Variants in KIRREL3 observed in about 807,000 individuals in gnomAD.
The protein encoded by KIRREL3 is kin of IRRE-like protein 3.
Under a neutral mutation model 89.7 loss-of-function variants are expected in KIRREL3, and 36 were observed. The observed-to-expected ratio is 0.40, with a 90% confidence interval of 0.31 to 0.53. The LOEUF (loss-of-function observed/expected upper bound fraction) is 0.53. Among genes scored for constraint, KIRREL3 ranks in the 20% least tolerant of loss-of-function variants. The pLI is 0.49. For synonymous variants in KIRREL3, 445 were observed against 441.4 expected (o/e 1.01, Z -0.10); for missense variants, 864 against 1,056.6 (o/e 0.82, Z 2.53).
At chr11:126,499,059 T>C (rs1957766545) in intron 4 of KIRREL3, among the ~76,000 whole-genome samples, 1 of 147,000 alleles carries the variant, frequency 6.8e-6, no homozygotes, top group South Asian at 2.1e-4. Context: ...GGCAGAGGCA[T>C]GAGAATCACC....
chr11:126,514,186 A>G (rs2134406759), intron 4 of KIRREL3, among the ~76,000 whole-genome samples: 1 of 152,262 alleles, frequency 6.6e-6, no homozygotes. Flanking sequence ...GTGGAACCTC[A>G]GGAGATAAGG....
chr11:126,432,254 T>G lies in KIRREL3; in HGVS notation c.1589-728A>C, dbSNP rs1955162356. On this transcript the variant is annotated intron_variant, in intron 13 of 16. Coordinates refer to ENST00000525144, the MANE Select transcript of KIRREL3 (RefSeq NM_032531.4). This position sits in a 1 kb window ranked among gnomAD's most constrained non-coding sequence, Gnocchi z 6.2. ...CTCCTGGCAAGAGAGGCCCACACAC[T>G]GGGCAGGCAAGCCCTCACCCCTGCT... Among the ~76,000 whole-genome samples the G allele has an allele frequency of 6.6e-6, 1 of 152,088 alleles. No homozygotes were observed. Among genetic ancestry groups the G allele is most frequent in the African/African-American group, 2.4e-5 (1 of 41,424 alleles).
At chr11:126,982,149 GT>G (rs1350963853) in intron 1 of KIRREL3, among the ~76,000 whole-genome samples, 1 of 152,142 alleles carries the variant, frequency 6.6e-6, no homozygotes, top group East Asian at 1.9e-4. Flanking sequence ...CTGGACACAG[GT>G]TCCTCAAGGG....
intron 1 of KIRREL3, among the ~76,000 whole-genome samples, chr11:126,728,541 C>T (rs1358688107): frequency 1.3e-5 from 2 of 152,150 alleles, no homozygotes; most frequent in Non-Finnish European, 2.9e-5. Flanking sequence ...TGTCTGATCA[C>T]CTGAGTGAGA....
intron 1 of KIRREL3, among the ~76,000 whole-genome samples, chr11:126,634,797 T>C (rs1468674221): frequency 1.3e-5 from 2 of 152,138 alleles, no homozygotes; most frequent in African/African-American, 4.8e-5. Context: ...CCTGCAAATA[T>C]CCATCCTCGG....
rs1480661628 is a variant in KIRREL3, at chr11:126,454,769, TG to T, written c.848+1579del. Among the ~76,000 whole-genome samples the T allele has an allele frequency of 6.6e-6, 1 of 152,160 alleles. No homozygotes were observed. The highest frequency in any genetic ancestry group is 6.5e-5 in the Admixed American group (1 of 15,292). On this transcript the variant is annotated intron_variant, in intron 7 of 16. Transcript: ENST00000525144. This position sits in a 1 kb window ranked among gnomAD's most constrained non-coding sequence, Gnocchi z 5.8. ...GGACCTGGCTGGACCCACATGATTCTGGGGAGCCTGGAGTCCCCGGCTCAGA... is the reference window on the plus strand; with the variant it reads ...GGACCTGGCTGGACCCACATGATTCTGGGAGCCTGGAGTCCCCGGCTCAGA...
Position 126,474,683 on chromosome 11 carries a change from G to T in KIRREL3, c.434-1217C>A, listed in dbSNP as rs1158800894. On this transcript the variant is annotated intron_variant, in intron 4 of 16. Transcript: ENST00000525144. The surrounding 1 kb of genome is among the most constrained non-coding windows in gnomAD (Gnocchi z 6.7). Reference sequence around the variant, plus strand: ...AAGGGATCCTGAGTGCCAGGAAGAGGGCCATCCGCGTCGGAGCACGGTCTC... The same window carrying T: ...AAGGGATCCTGAGTGCCAGGAAGAGTGCCATCCGCGTCGGAGCACGGTCTC... 6.6e-6 allele frequency among the ~76,000 whole-genome samples: 1 copy of T among 152,192 alleles called. No individual in the cohort carries two copies. The highest frequency in any genetic ancestry group is 1.5e-5 in the Non-Finnish European group (1 of 68,040).
intron 1 of KIRREL3, among the ~76,000 whole-genome samples, chr11:126,907,373 C>G (rs1946629570): frequency 6.6e-6 from 1 of 152,100 alleles, no homozygotes. Flanking sequence ...CATAGTTTCC[C>G]CAGCACTTTG....
At chr11:126,952,152 G>A (rs757731116) in intron 1 of KIRREL3, among the ~76,000 whole-genome samples, 2 of 152,196 alleles carry the variant, frequency 1.3e-5, no homozygotes, top group East Asian at 1.9e-4. Context: ...TTGGGAGGCC[G>A]AGGCCGGTGG....
At chr11:126,959,546 T>C (rs945333134) in intron 1 of KIRREL3, among the ~76,000 whole-genome samples, 8 of 152,238 alleles carry the variant, frequency 5.3e-5, no homozygotes, top group African/African-American at 9.6e-5. Flanking sequence ...ACCACACTTA[T>C]GTTGGAAAAT....
intron 7 of KIRREL3, among the ~76,000 whole-genome samples, chr11:126,451,589 T>C (rs1591559551): frequency 6.6e-6 from 1 of 151,276 alleles, no homozygotes; most frequent in African/African-American, 2.4e-5. Context: ...TGTGCGTGTG[T>C]GTACATGTGT....
chr11:126,554,877 C>G (rs117841900), intron 2 of KIRREL3, among the ~76,000 whole-genome samples: 1 of 152,080 alleles, frequency 6.6e-6, no homozygotes, highest in East Asian at 1.9e-4. Flanking sequence ...AGCGGCTGAG[C>G]GTCAGGGATA....
At chr11:126,804,466 T>C (rs924764668) in intron 1 of KIRREL3, among the ~76,000 whole-genome samples, 1 of 152,160 alleles carries the variant, frequency 6.6e-6, no homozygotes, top group African/African-American at 2.4e-5. Context: ...AATCTCCTCT[T>C]GTTTGTGGAA....
Position 126,564,685 on chromosome 11 carries a change from G to T in KIRREL3, c.56-1773C>A, listed in dbSNP as rs1316468519. Among the ~76,000 whole-genome samples the T allele has an allele frequency of 6.6e-6, 1 of 152,142 alleles. No individual in the cohort carries two copies. Among genetic ancestry groups the T allele is most frequent in the African/African-American group, 2.4e-5 (1 of 41,426 alleles). On this transcript the variant is annotated intron_variant, in intron 1 of 16. Transcript: ENST00000525144. This position sits in a 1 kb window ranked among gnomAD's most constrained non-coding sequence, Gnocchi z 7.4. ...TTTCTTCAGGGGCTCCTGCTCTGTC[G>T]CAGGCCTCATGGATCAAAGCCCCTT... is the stretch of plus-strand genomic sequence containing the variant.
In KIRREL3 at chr11:126,463,346, G is replaced by A. The variant is rs367648890; in HGVS notation, c.592-39C>T. ...GAAAGGGGAGAGAAAGCTCCATGTC[G>A]CTTGGCTGGGGTGGCCAGCCTGGGT... is the stretch of plus-strand genomic sequence containing the variant. On this transcript the variant is annotated intron_variant, in intron 5 of 16. Transcript: ENST00000525144. The surrounding 1 kb of genome is among the most constrained non-coding windows in gnomAD (Gnocchi z 5.9). 654 of 1,590,766 alleles carry A rather than the reference G, an allele frequency of 4.1e-4. No homozygotes were observed. The highest frequency in any genetic ancestry group is 5.3e-4 in the Non-Finnish European group (616 of 1,164,926).
At chr11:126,787,190 G>T (rs1281696378) in intron 1 of KIRREL3, among the ~76,000 whole-genome samples, 1 of 152,156 alleles carries the variant, frequency 6.6e-6, no homozygotes, top group Non-Finnish European at 1.5e-5. Context: ...ATGATGAAAT[G>T]ATGGAGCCAA....
Position 126,977,130 on chromosome 11 carries a change from G to A in KIRREL3, c.55+23325C>T, listed in dbSNP as rs1949601206. Among the ~76,000 whole-genome samples the A allele has an allele frequency of 6.6e-6, 1 of 152,056 alleles. No individual in the cohort carries two copies. The highest frequency in any genetic ancestry group is 1.5e-5 in the Non-Finnish European group (1 of 68,034). ...CTTTTTTCTTTTTCTGCAGGCTTCA[G>A]CTCCTTCTGGGTCTTAGTGTCACTT... is the stretch of plus-strand genomic sequence containing the variant. On this transcript the variant is annotated intron_variant, in intron 1 of 16. Coordinates refer to ENST00000525144, the MANE Select transcript of KIRREL3 (RefSeq NM_032531.4). The surrounding 1 kb of genome is among the most constrained non-coding windows in gnomAD (Gnocchi z 4.7).
chr11:126,863,418 AGCGCAT>A (rs1565362773), intron 1 of KIRREL3, among the ~76,000 whole-genome samples: 10 of 14,732 alleles, frequency 6.8e-4, no homozygotes, highest in African/African-American at 2.2e-3. Flanking sequence ...TGCGTGTGTG[AGCGCAT>A]GTGTGTGAGT....
At chr11:126,895,718 C>T (rs1385744206) in intron 1 of KIRREL3, among the ~76,000 whole-genome samples, 1 of 152,124 alleles carries the variant, frequency 6.6e-6, no homozygotes, top group Non-Finnish European at 1.5e-5. Context: ...TGGAGTGTTG[C>T]ATTCCCCAGC....
Sources: allele counts gnomAD v4.1 joint callset (sites outside exome capture counted in the v4.1 genomes callset), GRCh38; gene constraint gnomAD v4.1.1; non-coding constraint Gnocchi (gnomAD v3.1); transcripts MANE v1.5; gene names NCBI Gene and HGNC (gene_info 2026-07-23, HGNC 2026-07-21).